Variants in DDX19A observed in about 807,000 individuals in gnomAD.
DDX19A encodes ATP-dependent RNA helicase DDX19A.
In DDX19A, 12 loss-of-function variants were observed where a neutral mutation model predicts 60.6. The ratio of observed to expected loss-of-function variants is 0.20; its 90% CI spans 0.13 to 0.32. The LOEUF (loss-of-function observed/expected upper bound fraction) is 0.32, where lower values mean the gene tolerates loss of function less well. DDX19A is among the 10% of genes least tolerant of loss of function. DDX19A has a pLI of 1.00. For synonymous variants in DDX19A, 206 were observed against 218.2 expected, an observed-to-expected ratio of 0.94 and a Z score of 0.49; for missense variants, 337 against 600.6, an observed-to-expected ratio of 0.56 and a Z score of 4.59.
At chr16:70,348,581 T>A (rs1244970240) in intron 1 of DDX19A, among the ~76,000 whole-genome samples, 1 of 141,498 alleles carries the variant, frequency 7.1e-6, no homozygotes, top group Non-Finnish European at 1.5e-5. Context: ...GAGCCAAAAT[T>A]ACGCCACTGC....
chr16:70,347,224 T>C (rs1404842105), intron 1 of DDX19A, 176 bp downstream of exon 1: 2 of 634,688 alleles, frequency 3.2e-6, no homozygotes, highest in Admixed American at 5.4e-5. Context: ...ATGTCGAGCT[T>C]TTTATCTCCA....
intron 4 of DDX19A, among the ~76,000 whole-genome samples, chr16:70,357,268 A>AT (rs1555552547): frequency 5.9e-5 from 7 of 118,936 alleles, no homozygotes; most frequent in African/African-American, 8.1e-5. Context: ...CAAAAAAAAA[A>AT]AAATATATAT....
Position 70,366,810 on chromosome 16 carries a change from G to C in DDX19A, c.969G>C (p.Leu323Phe). The change falls in exon 9 of 12, where the codon TTG becomes TTC. Residue 323 changes from leucine to phenylalanine, a missense_variant. Leu to Phe is a conservative substitution (Grantham distance 22). Coordinates refer to ENST00000302243, the MANE Select transcript of DDX19A (RefSeq NM_018332.5). ...GCAGAGACGAGAAGTTCCAGGCCTT[G>C]TGTAACCTCTACGGGGCCATCACCA... ...CSSRDEKFQA[L>F]CNLYGAITIA... 1 of 1,614,118 alleles carries C rather than the reference G, an allele frequency of 6.2e-7. No individual in the cohort carries two copies. The highest frequency in any genetic ancestry group is 8.5e-7 in the Non-Finnish European group (1 of 1,179,982).
intron 5 of DDX19A, 35 bp from the exon 6 acceptor site, chr16:70,364,508 A>G (rs1458112373): frequency 6.7e-7 from 1 of 1,500,816 alleles, no homozygotes. Flanking sequence ...GAGTTTCACC[A>G]ATTTAAGTTT....
At chr16:70,360,349 C>T (rs2151637423) in intron 4 of DDX19A, among the ~76,000 whole-genome samples, 1 of 132,948 alleles carries the variant, frequency 7.5e-6, no homozygotes, top group South Asian at 2.3e-4. Flanking sequence ...AAGAGATGAC[C>T]TGGCCTTGTT....
rs1353332274 is a variant in DDX19A, at chr16:70,366,099, A to G, written c.619A>G (p.Lys207Glu). ...GGTCTCCACAGTGGAAAGAGGCCAG[A>G]AGATCAGTGAGCAGATTGTCATTGG... ...VRGNKLERGQ[K>E]ISEQIVIGTP... Residue 207 changes from lysine (K) to glutamate (E), a missense_variant, in exon 8 of 12, where the codon AAG becomes GAG. Physicochemically the swap from Lys to Glu is moderately conservative, Grantham distance 56. This residue lies in a region of DDX19A where 62 missense variants were observed against 75.7 expected (regional missense o/e 0.82). Transcript: ENST00000302243. 3 of 1,614,070 alleles carry G rather than the reference A, an allele frequency of 1.9e-6. No individual in the cohort carries two copies. In the Admixed American group the frequency reaches 5.0e-5, roughly 27 times the overall value.
At chr16:70,361,333 C>G (rs1964358901) in intron 4 of DDX19A, 85 bp from the exon 5 acceptor site, 1 of 1,056,332 alleles carries the variant, frequency 9.5e-7, no homozygotes, top group East Asian at 2.4e-5. Context: ...GGCATCATTC[C>G]TTTCTATAGA....
intron 6 of DDX19A, 91 bp from the exon 7 acceptor site, chr16:70,364,926 T>C: frequency 1.0e-6 from 1 of 968,270 alleles, no homozygotes; most frequent in Non-Finnish European, 1.6e-6. Flanking sequence ...CCCTGTGCTA[T>C]TCAAGTGCTA....
At chr16:70,370,498 G>A (rs1964652307) in intron 10 of DDX19A, 113 bp downstream of exon 10, 1 of 1,432,570 alleles carries the variant, frequency 7.0e-7, no homozygotes, top group Non-Finnish European at 9.3e-7. Flanking sequence ...GATGGGTGGG[G>A]TTGGTGACAC....
rs755043312 is a variant in DDX19A at position 70,356,140 on chromosome 16, C to T, written c.186C>T (p.Asn62=). The change falls in exon 4 of 12, where the codon AAC becomes AAT. Residue 62 remains asparagine (N), a synonymous_variant. Coordinates refer to ENST00000302243, the MANE Select transcript of DDX19A (RefSeq NM_018332.5). ...ACAGAGCTGCCCAGTCCTTACTCAACAAGCTGATCAGAAGCAACCTTGTTG... is the reference window on the plus strand; with the variant it reads ...ACAGAGCTGCCCAGTCCTTACTCAATAAGCTGATCAGAAGCAACCTTGTTG... The part of the protein sequence containing the change: ...KEDRAAQSLL[N]KLIRSNLVDN... The T allele has an allele frequency of 3.7e-6, 6 of 1,613,902 alleles. No homozygotes were observed. In the African/African-American group the frequency reaches 5.3e-5, roughly 14 times the overall value.
At position 70,364,555 on chromosome 16, in the gene DDX19A, G is replaced by A; in HGVS notation, c.399G>A (p.Leu133=). 6.2e-7 allele frequency: 1 copy of A among 1,613,578 alleles called. No homozygotes were observed. Among genetic ancestry groups the A allele is most frequent in the Non-Finnish European group, 8.5e-7 (1 of 1,179,522 alleles). ...TTCCTTGATCCAGCCCACAGAATCTGATTGCCCAGTCTCAGTCTGGCACTG... is the reference window on the plus strand; with the variant it reads ...TTCCTTGATCCAGCCCACAGAATCTAATTGCCCAGTCTCAGTCTGGCACTG... ...PMMLAEPPQN[L]IAQSQSGTGK... is the part of the protein sequence containing the mutation. The change falls in exon 6 of 12, where the codon CTG becomes CTA. Residue 133 remains leucine, a synonymous_variant. Coordinates refer to ENST00000302243, the MANE Select transcript of DDX19A (RefSeq NM_018332.5).
chr16:70,353,918 A>G (rs548919604), intron 2 of DDX19A, among the ~76,000 whole-genome samples: 1 of 151,018 alleles, frequency 6.6e-6, no homozygotes. Context: ...AAAAAAAAAA[A>G]CACAGGCTCT....
intron 9 of DDX19A, among the ~76,000 whole-genome samples, chr16:70,367,455 C>T (rs2151643610): frequency 6.6e-6 from 1 of 151,788 alleles, no homozygotes; most frequent in Non-Finnish European, 1.5e-5. Context: ...ACAAGATAGT[C>T]ATAACATTCA....
rs1291600601 is a variant in DDX19A at position 70,371,147 on chromosome 16, T to C, written c.1184-225T>C. 8.3e-6 allele frequency: 6 copies of C among 726,316 alleles called. No individual in the cohort carries two copies. In the East Asian group the frequency reaches 1.4e-4, roughly 16 times the overall value. 45.0% of individuals were successfully genotyped at this position (726,316 alleles called of 1,614,324 possible). On this transcript the variant is annotated intron_variant, in intron 10 of 11. Transcript: ENST00000302243. ...CCAGAACATTGTGTCTCCCAGAGGATTACCGACTGATCTCATGATTTTGTT... is the reference window on the plus strand; with the variant it reads ...CCAGAACATTGTGTCTCCCAGAGGACTACCGACTGATCTCATGATTTTGTT...
intron 9 of DDX19A, 61 bp from the exon 10 acceptor site, chr16:70,370,162 C>A (rs1964638726): frequency 6.5e-7 from 1 of 1,549,188 alleles, no homozygotes; most frequent in Admixed American, 2.0e-5. Flanking sequence ...AAGACTGTGT[C>A]TCAAAAAGAA....
Position 70,372,376 on chromosome 16 carries a change from T to C in DDX19A, c.*390T>C. The C allele has an allele frequency of 3.2e-6, 1 of 309,572 alleles. No homozygotes were observed. The highest frequency in any genetic ancestry group is 6.2e-6 in the Non-Finnish European group (1 of 162,558). The allele number at this position is 309,572 out of a possible 1,614,324, so 19.2% of individuals were successfully genotyped here. A position where few individuals can be genotyped will look rare whatever the true frequency, so the allele number is the denominator to read the frequency against. Reference sequence around the variant, plus strand: ...GCGGAAGAGGCTGAGTGGAAAATGGTGTGAGCCCCACCGCTGTGCATCGAA... The same window carrying C: ...GCGGAAGAGGCTGAGTGGAAAATGGCGTGAGCCCCACCGCTGTGCATCGAA... On this transcript the variant is annotated 3_prime_UTR_variant, in exon 12 of 12. Coordinates refer to ENST00000302243, the MANE Select transcript of DDX19A (RefSeq NM_018332.5).
intron 1 of DDX19A, among the ~76,000 whole-genome samples, chr16:70,348,487 G>A (rs1415183626): frequency 2.6e-5 from 4 of 151,930 alleles, no homozygotes; most frequent in Non-Finnish European, 4.4e-5. Context: ...TTAGCCAGGC[G>A]TGGTAGTCGT....
In DDX19A at chr16:70,364,635, G is replaced by A. The variant is rs369403131; in HGVS notation, c.479G>A (p.Arg160Lys). 1 of 1,613,974 alleles carries A rather than the reference G, an allele frequency of 6.2e-7. No individual in the cohort carries two copies. Among genetic ancestry groups the A allele is most frequent in the African/African-American group, 1.3e-5 (1 of 74,938 alleles). ...AMLSRVEPSD[R>K]YPQCLCLSPT... The stretch of plus-strand genomic sequence containing the variant: ...CTCAGCCGAGTGGAGCCATCAGACA[G>A]ATACCCCCAGGTGAGGGCTTGCGGG... Residue 160 changes from arginine (R) to lysine (K), a missense_variant, in exon 6 of 12, where the codon AGA becomes AAA. Coordinates refer to ENST00000302243, the MANE Select transcript of DDX19A (RefSeq NM_018332.5).
chr16:70,360,095 A>G (rs898509101), intron 4 of DDX19A, among the ~76,000 whole-genome samples: 5 of 152,068 alleles, frequency 3.3e-5, no homozygotes, highest in African/African-American at 9.7e-5. Flanking sequence ...AGCCTGGCCA[A>G]CATGGCGAAA....
Sources: allele counts gnomAD v4.1 joint callset (sites outside exome capture counted in the v4.1 genomes callset), GRCh38; gene constraint gnomAD v4.1.1; regional missense constraint gnomAD v4.1.1; transcripts MANE v1.5; gene names NCBI Gene and HGNC (gene_info 2026-07-23, HGNC 2026-07-21).